Variants in OR8G5 observed in about 807,000 individuals in gnomAD.
The protein encoded by OR8G5 is olfactory receptor family 8 subfamily G member 5.
For missense variants in OR8G5, 347 were observed against 371.9 expected (o/e 0.93, Z 0.55); for synonymous variants, 147 against 147.7 (o/e 1.00, Z 0.03).
intron 1 of OR8G5, among the ~76,000 whole-genome samples, chr11:124,259,759 A>C (rs1179468190): frequency 1.3e-5 from 2 of 152,132 alleles, no homozygotes; most frequent in Non-Finnish European, 2.9e-5. Context: ...TTTCTTCTAC[A>C]TCTGACTGTA....
At chr11:124,262,041 G>A (rs1861976435) in intron 1 of OR8G5, among the ~76,000 whole-genome samples, 1 of 151,750 alleles carries the variant, frequency 6.6e-6, no homozygotes, top group Admixed American at 6.6e-5. Context: ...TACCTTATAT[G>A]CACATATTAC....
In OR8G5 at chr11:124,265,977, G is replaced by A. The variant is rs1381726816; in HGVS notation, c.*110G>A. On this transcript the variant is annotated 3_prime_UTR_variant, in exon 2 of 2. Coordinates refer to ENST00000641992, the MANE Select transcript of OR8G5 (RefSeq NM_001005198.2). ...TCTGTCAACATTCTTTCTAATTTGG[G>A]GGGATTTTACTGACGTTATGTCTTA... The A allele has an allele frequency of 1.5e-6, 2 of 1,366,382 alleles. No homozygotes were observed. The highest frequency in any genetic ancestry group is 1.9e-6 in the Non-Finnish European group (2 of 1,026,916). 84.6% of individuals were successfully genotyped at this position (1,366,382 alleles called of 1,614,324 possible).
intron 1 of OR8G5, among the ~76,000 whole-genome samples, chr11:124,264,087 A>G (rs191967844): frequency 2.0e-5 from 3 of 149,636 alleles, no homozygotes; most frequent in East Asian, 2.0e-4. Context: ...CATTAACAAC[A>G]TAAGATTGAC....
Position 124,265,617 on chromosome 11 carries a change from G to C in OR8G5, c.686G>C (p.Arg229Pro). The C allele has an allele frequency of 1.2e-6, 2 of 1,613,812 alleles. No homozygotes were observed. The highest frequency in any genetic ancestry group is 1.7e-6 in the Non-Finnish European group (2 of 1,179,852). Residue 229 changes from arginine to proline, a missense_variant, in exon 2 of 2, where the codon CGC becomes CCC. By Grantham distance (103) the Arg-to-Pro change is moderately radical. Transcript: ENST00000641992. ...ATCATTGCCAGCATCCTCCGCATTC[G>C]CTACACTGAGGGCAGGTCCAAAGCC... ...IFIIASILRI[R>P]YTEGRSKAFS...
chr11:124,258,277 C>T lies in OR8G5; in HGVS notation c.-15+1643C>T, dbSNP rs947328701. Among the ~76,000 whole-genome samples the T allele has an allele frequency of 4.6e-5, 7 of 152,084 alleles. No homozygotes were observed. In the East Asian group the frequency reaches 1.4e-3, roughly 29 times the overall value. The stretch of plus-strand genomic sequence containing the variant: ...TCCTCCTTAAAAAAGACATTCATGG[C>T]CAGGCTCCGTGGCTCACACCTGTAA... On this transcript the variant is annotated intron_variant, in intron 1 of 1. Transcript: ENST00000641992.
intron 1 of OR8G5, among the ~76,000 whole-genome samples, chr11:124,258,326 T>G (rs2466678): frequency 0.49 from 73,791 of 151,386 alleles, 18,552 homozygotes; most frequent in East Asian, 0.58. Context: ...GGAGGTTGAG[T>G]TGGGCGGATC....
At chr11:124,258,322 T>G (rs2512189) in intron 1 of OR8G5, among the ~76,000 whole-genome samples, 6 of 151,586 alleles carry the variant, frequency 4.0e-5, no homozygotes, top group African/African-American at 1.5e-4. Flanking sequence ...TTTGGGAGGT[T>G]GAGTTGGGCG....
intron 1 of OR8G5, among the ~76,000 whole-genome samples, chr11:124,264,187 A>G (rs759032290): frequency 1.3e-5 from 2 of 152,182 alleles, no homozygotes; most frequent in Non-Finnish European, 2.9e-5. Flanking sequence ...TCATGACACA[A>G]AGAGGCTATT....
chr11:124,262,988 T>C (rs1290884292), intron 1 of OR8G5, among the ~76,000 whole-genome samples: 1 of 149,360 alleles, frequency 6.7e-6, no homozygotes, highest in Non-Finnish European at 1.5e-5. Context: ...TATATTCAGG[T>C]GTTTTTGTTT....
Position 124,265,239 on chromosome 11 carries a change from T to C in OR8G5, c.308T>C (p.Phe103Ser), listed in dbSNP as rs1862015949. The C allele has an allele frequency of 6.2e-7, 1 of 1,613,898 alleles. No homozygotes were observed. The highest frequency in any genetic ancestry group is 8.5e-7 in the Non-Finnish European group (1 of 1,179,896). ...SYPECMTQLY[F>S]FLVFAIAECH... ...CCTGAATGCATGACTCAGCTCTACTTCTTCCTCGTTTTTGCTATTGCAGAG... is the reference window on the plus strand; with the variant it reads ...CCTGAATGCATGACTCAGCTCTACTCCTTCCTCGTTTTTGCTATTGCAGAG... Residue 103 changes from phenylalanine (F) to serine (S), a missense_variant, in exon 2 of 2, where the codon TTC becomes TCC. By Grantham distance (155) the Phe-to-Ser change is radical. Transcript: ENST00000641992.
Position 124,265,048 on chromosome 11 carries a change from G to C in OR8G5, c.117G>C (p.Val39=), listed in dbSNP as rs1862013563. 3 of 1,614,004 alleles carry C rather than the reference G, an allele frequency of 1.9e-6. No individual in the cohort carries two copies. In the African/African-American group the frequency reaches 4.0e-5, roughly 22 times the overall value. The stretch of plus-strand genomic sequence containing the variant: ...TCCTGGGAATCTATGTAGTCACAGT[G>C]CTGGGGAACCTGGGCATGATCACAC... The part of the protein sequence containing the change: ...LVFLGIYVVT[V]LGNLGMITLI... Residue 39 remains valine (V), a synonymous_variant, in exon 2 of 2, where the codon GTG becomes GTC. Coordinates refer to ENST00000641992, the MANE Select transcript of OR8G5 (RefSeq NM_001005198.2).
At position 124,264,938 on chromosome 11, in the gene OR8G5, G is replaced by A. The variant is rs1159418062; in HGVS notation, c.7G>A (p.Ala3Thr). 6.2e-7 allele frequency: 1 copy of A among 1,613,602 alleles called. No homozygotes were observed. Among genetic ancestry groups the A allele is most frequent in the Admixed American group, 1.7e-5 (1 of 59,992 alleles). ...TGCAGAAACTCATCAAAGAATGGCA[G>A]CAGAAAACCATTCTTTTGTGACTAA... Reference protein sequence around the residue: MAAENHSFVTKFI... With the variant: MATENHSFVTKFI... The change falls in exon 2 of 2, where the codon GCA (alanine) becomes ACA (threonine). Residue 3 changes from alanine (A) to threonine (T), a missense_variant. Ala to Thr is a moderately conservative substitution (Grantham distance 58). Transcript: ENST00000641992.
intron 1 of OR8G5, among the ~76,000 whole-genome samples, chr11:124,259,161 G>GTTTTA (rs71038485): frequency 0.48 from 72,831 of 151,380 alleles, 18,234 homozygotes; most frequent in East Asian, 0.58. Context: ...TCATTTGTGT[G>GTTTTA]TTTTTATTTT....
At chr11:124,259,238 G>C (rs1007226998) in intron 1 of OR8G5, among the ~76,000 whole-genome samples, 1 of 152,138 alleles carries the variant, frequency 6.6e-6, no homozygotes, top group Non-Finnish European at 1.5e-5. Context: ...ATCTGGTAGA[G>C]TGGTAGCAAA....
chr11:124,261,428 T>C (rs1861970295), intron 1 of OR8G5, among the ~76,000 whole-genome samples: 2 of 151,860 alleles, frequency 1.3e-5, no homozygotes, highest in African/African-American at 4.8e-5. Flanking sequence ...CAAAAAAATA[T>C]TGTGATAGCC....
At chr11:124,261,660 C>T (rs1445813577) in intron 1 of OR8G5, among the ~76,000 whole-genome samples, 3 of 151,812 alleles carry the variant, frequency 2.0e-5, no homozygotes, top group Non-Finnish European at 2.9e-5. Flanking sequence ...TTAAATGCCT[C>T]AACAACATAA....
rs1591396841 is a variant in OR8G5 at position 124,265,416 on chromosome 11, G to A, written c.485G>A (p.Cys162Tyr). The change falls in exon 2 of 2, where the codon TGT becomes TAT. Residue 162 changes from cysteine to tyrosine, a missense_variant. Coordinates refer to ENST00000641992, the MANE Select transcript of OR8G5 (RefSeq NM_001005198.2). ...GLICASAHIG[C>Y]MFRVQFCKFD... ...ATTTGTGCGTCAGCTCATATAGGCT[G>A]TATGTTTAGGGTTCAATTCTGCAAA... 1.2e-6 allele frequency: 2 copies of A among 1,614,024 alleles called. No individual in the cohort carries two copies. Among genetic ancestry groups the A allele is most frequent in the Non-Finnish European group, 1.7e-6 (2 of 1,179,894 alleles).
chr11:124,265,922 G>A lies in OR8G5; in HGVS notation c.*55G>A, dbSNP rs1338573325. ...GATCTAAGTTTTTGGCTATGATATT[G>A]TATGAAATGATGTCTTTCACTTTAG... On this transcript the variant is annotated 3_prime_UTR_variant, in exon 2 of 2. Coordinates refer to ENST00000641992, the MANE Select transcript of OR8G5 (RefSeq NM_001005198.2). 9 of 1,500,208 alleles carry A rather than the reference G, an allele frequency of 6.0e-6. No homozygotes were observed. Among genetic ancestry groups the A allele is most frequent in the East Asian group, 4.8e-5 (2 of 42,026 alleles). The allele number at this position is 1,500,208 out of a possible 1,614,324, so 92.9% of individuals were successfully genotyped here. A position where few individuals can be genotyped will look rare whatever the true frequency, so the allele number is the denominator to read the frequency against.
chr11:124,264,400 A>G (rs959565044), intron 1 of OR8G5, among the ~76,000 whole-genome samples: 4 of 152,196 alleles, frequency 2.6e-5, no homozygotes, highest in Non-Finnish European at 4.4e-5. Flanking sequence ...ATCATTGTAA[A>G]TGTTGTTTCA....
Sources: gnomAD v4.1 joint callset for allele counts (sites outside exome capture counted in the v4.1 genomes callset) on GRCh38, gnomAD v4.1.1 for gene constraint, MANE v1.5 for transcripts, NCBI Gene and HGNC (gene_info 2026-07-23, HGNC 2026-07-21) for gene names.